Variants in COMMD8 observed in about 807,000 individuals in gnomAD.
The protein encoded by COMMD8 is COMM domain containing 8.
COMMD8 carries 28 observed loss-of-function variants against 27.2 expected under a neutral mutation model. The observed-to-expected ratio is 1.03, with a 90% CI of 0.76 to 1.41. COMMD8 has a LOEUF of 1.41. Among genes scored for constraint, COMMD8 ranks in the 40% most tolerant of loss-of-function variants. The pLI is 0.00. For synonymous variants in COMMD8, 79 were observed against 75.5 expected (o/e 1.05, Z -0.24); for missense variants, 217 against 211.2 (o/e 1.03, Z -0.17).
intron 1 of COMMD8, among the ~76,000 whole-genome samples, chr4:47,462,451 G>A (rs1730084931): frequency 6.6e-6 from 1 of 152,152 alleles, no homozygotes; most frequent in South Asian, 2.1e-4. Context: ...GCTGAGGCAA[G>A]GGCATACTGA....
chr4:47,463,686 A>G lies in COMMD8; in HGVS notation c.-35T>C. ...AAGCTGGGGCTTGGGTCACGTGTCA[A>G]GGCTGGCCGCTTGTCTAAAGCTACG... On this transcript the variant is annotated 5_prime_UTR_variant, in exon 1 of 5. Transcript: ENST00000381571. 6.5e-7 allele frequency: 1 copy of G among 1,529,718 alleles called. No individual in the cohort carries two copies. Among genetic ancestry groups the G allele is most frequent in the Non-Finnish European group, 8.8e-7 (1 of 1,135,906 alleles). The allele number at this position is 1,529,718 out of a possible 1,614,324, so 94.8% of individuals were successfully genotyped here. A position where few individuals can be genotyped will look rare whatever the true frequency, so the allele number is the denominator to read the frequency against.
At chr4:47,453,942 G>A (rs897190367) in intron 3 of COMMD8, among the ~76,000 whole-genome samples, 7 of 152,092 alleles carry the variant, frequency 4.6e-5, no homozygotes, top group Admixed American at 4.6e-4. Flanking sequence ...CAATGATAAG[G>A]GACATCTTCC....
At chr4:47,460,393 G>T in intron 1 of COMMD8, 94 bp from the exon 2 acceptor site, 1 of 1,021,598 alleles carries the variant, frequency 9.8e-7, no homozygotes, top group Non-Finnish European at 1.4e-6. Context: ...AGATGTTCAT[G>T]TTATCTGCAA....
chr4:47,457,607 C>G (rs534412377), intron 2 of COMMD8, among the ~76,000 whole-genome samples: 1 of 152,144 alleles, frequency 6.6e-6, no homozygotes, highest in South Asian at 2.1e-4. Context: ...CACGACAGAT[C>G]TCAAAGAACT....
rs1479988645 is a variant in COMMD8, at chr4:47,463,680, G to T, written c.-29C>A. On this transcript the variant is annotated 5_prime_UTR_variant, in exon 1 of 5. Coordinates refer to ENST00000381571, the MANE Select transcript of COMMD8 (RefSeq NM_017845.5). ...TGCGCGAAGCTGGGGCTTGGGTCAC[G>T]TGTCAAGGCTGGCCGCTTGTCTAAA... is the stretch of plus-strand genomic sequence containing the variant. 2 of 1,534,978 alleles carry T rather than the reference G, an allele frequency of 1.3e-6. No homozygotes were observed. Among genetic ancestry groups the T allele is most frequent in the South Asian group, 1.2e-5 (1 of 82,966 alleles).
At chr4:47,453,267 G>C in intron 3 of COMMD8, 53 bp from the exon 4 acceptor site, 1 of 1,456,850 alleles carries the variant, frequency 6.9e-7, no homozygotes, top group Non-Finnish European at 9.5e-7. Context: ...GAACTATATT[G>C]AGTATACATC....
chr4:47,454,603 C>T (rs191447388), intron 3 of COMMD8, among the ~76,000 whole-genome samples: 6 of 152,230 alleles, frequency 3.9e-5, no homozygotes, highest in Admixed American at 3.3e-4. Flanking sequence ...CAGTGGCTCA[C>T]GCCTGTAATC....
Position 47,459,934 on chromosome 4 carries a change from T to C in COMMD8, c.222+210A>G, listed in dbSNP as rs1729981210. 1.2e-5 allele frequency: 5 copies of C among 423,428 alleles called. No homozygotes were observed. The East Asian group carries it at 2.0e-4, about 17-fold the overall frequency. The allele number at this position is 423,428 out of a possible 1,614,324, so 26.2% of individuals were successfully genotyped here. On this transcript the variant is annotated intron_variant, in intron 2 of 4. Transcript: ENST00000381571. Reference sequence around the variant, plus strand: ...GTCAGTTATATAATTTCTTGTTTTCTTCTGTATGTTTTAAATGTTTCACAA... The same window carrying C: ...GTCAGTTATATAATTTCTTGTTTTCCTCTGTATGTTTTAAATGTTTCACAA...
At chr4:47,462,225 C>T (rs1485907100) in intron 1 of COMMD8, among the ~76,000 whole-genome samples, 2 of 151,996 alleles carry the variant, frequency 1.3e-5, no homozygotes, top group Non-Finnish European at 2.9e-5. Flanking sequence ...GAGGGTGAGC[C>T]CAGATGCCTC....
At chr4:47,463,328 C>T (rs980658483) in intron 1 of COMMD8, among the ~76,000 whole-genome samples, 1 of 152,272 alleles carries the variant, frequency 6.6e-6, no homozygotes, top group African/African-American at 2.4e-5. Context: ...CCGACTTAAG[C>T]TTTCAAAGCC....
In COMMD8 at chr4:47,460,306, A is replaced by G; in HGVS notation, c.67-7T>C. The stretch of plus-strand genomic sequence containing the variant: ...CAATTATTTTGTGAAGAAGCTAGCA[A>G]GAAAAAAGGAAATAAATGTACTTAT... On this transcript the variant is annotated splice_region_variant and splice_polypyrimidine_tract_variant and intron_variant, in intron 1 of 4. Transcript: ENST00000381571. 6.2e-7 allele frequency: 1 copy of G among 1,608,292 alleles called. No individual in the cohort carries two copies. The highest frequency in any genetic ancestry group is 8.5e-7 in the Non-Finnish European group (1 of 1,177,534).
At chr4:47,455,324 CTTTTA>C (rs1729860405) in intron 3 of COMMD8, among the ~76,000 whole-genome samples, 1 of 151,866 alleles carries the variant, frequency 6.6e-6, no homozygotes, top group African/African-American at 2.4e-5. Context: ...TCTCCTTTAT[CTTTTA>C]TATTTATAAA....
At chr4:47,463,504 C>T (rs1367420615) in intron 1 of COMMD8, 82 bp downstream of exon 1, 4 of 1,360,868 alleles carry the variant, frequency 2.9e-6, no homozygotes, top group Non-Finnish European at 4.0e-6. Context: ...CGAAGGCGTC[C>T]GGGTCGCACC....
intron 3 of COMMD8, among the ~76,000 whole-genome samples, chr4:47,456,174 G>A (rs1197291959): frequency 6.6e-6 from 1 of 151,080 alleles, no homozygotes. Flanking sequence ...TTGAACCCGG[G>A]AGGCAGAAGT....
rs779590576 is a variant in COMMD8 at position 47,451,655 on chromosome 4, T to G, written c.542A>C (p.Gln181Pro). The change falls in exon 5 of 5, where the codon CAG (glutamine) becomes CCG (proline). Residue 181 changes from glutamine to proline, a missense_variant. By Grantham distance (76) the Gln-to-Pro change is moderately conservative (BLOSUM62 -1). Coordinates refer to ENST00000381571, the MANE Select transcript of COMMD8 (RefSeq NM_017845.5). ...SLEAANKVVL[Q>P]LK Reference sequence around the variant, plus strand: ...ATTCATCATTTCCAGTTATTTCAACTGCAGGACCACCTTAAAACACAAATT... The same window carrying G: ...ATTCATCATTTCCAGTTATTTCAACGGCAGGACCACCTTAAAACACAAATT... The G allele has an allele frequency of 6.3e-7, 1 of 1,583,986 alleles. No individual in the cohort carries two copies.
At chr4:47,460,830 C>G (rs1307120977) in intron 1 of COMMD8, among the ~76,000 whole-genome samples, 1 of 152,126 alleles carries the variant, frequency 6.6e-6, no homozygotes, top group Non-Finnish European at 1.5e-5. Flanking sequence ...GCTGTATTCC[C>G]AGAAAGTCTC....
intron 3 of COMMD8, among the ~76,000 whole-genome samples, chr4:47,454,269 AC>A: frequency 6.6e-6 from 1 of 152,322 alleles, no homozygotes; most frequent in African/African-American, 2.4e-5. Context: ...CAAATAATAT[AC>A]GTTAGTCCTT....
intron 4 of COMMD8, 83 bp downstream of exon 4, chr4:47,452,976 G>A (rs1320919769): frequency 5.6e-6 from 7 of 1,240,722 alleles, no homozygotes; most frequent in Non-Finnish European, 7.8e-6. Context: ...CAGCCTGGGT[G>A]ACAGAGTGAG....
At chr4:47,463,486 G>A (rs945929043) in intron 1 of COMMD8, 100 bp downstream of exon 1, 2 of 1,123,300 alleles carry the variant, frequency 1.8e-6, no homozygotes, top group Admixed American at 2.2e-5. Context: ...CCTTCCCTAG[G>A]GAGCTTGCGA....
Sources: gnomAD v4.1 joint callset for allele counts (sites outside exome capture counted in the v4.1 genomes callset) on GRCh38, gnomAD v4.1.1 for gene constraint, MANE v1.5 for transcripts, NCBI Gene and HGNC (gene_info 2026-07-23, HGNC 2026-07-21) for gene names.